Variants in SLC2A11 observed in about 807,000 individuals in gnomAD.
The protein encoded by SLC2A11 is solute carrier family 2, facilitated glucose transporter member 11.
Under a neutral mutation model 52.1 loss-of-function variants are expected in SLC2A11, and 43 were observed. The ratio of observed to expected loss-of-function variants is 0.82; its 90% CI spans 0.65 to 1.06. The LOEUF (loss-of-function observed/expected upper bound fraction) is 1.06. Among genes scored for constraint, SLC2A11 ranks in the 50% least tolerant of loss-of-function variants. SLC2A11 has a pLI of 0.00. For synonymous variants in SLC2A11, 261 were observed against 277.6 expected (o/e 0.94, Z 0.59); for missense variants, 582 against 654.2 (o/e 0.89, Z 1.20).
At chr22:23,868,243 A>G in intron 2 of SLC2A11, 1 of 550,388 alleles carries the variant, frequency 1.8e-6, no homozygotes, top group Non-Finnish European at 3.2e-6. Context: ...GGGCAAATGG[A>G]GCGAGTCCAG....
intron 3 of SLC2A11, chr22:23,872,805 C>T (rs1422522202): frequency 6.6e-6 from 1 of 152,222 alleles, no homozygotes; most frequent in Non-Finnish European, 1.5e-5. Flanking sequence ...TCCTCTAGAC[C>T]TCAGGAACTT....
chr22:23,867,590 AG>A (rs1461462673), intron 2 of SLC2A11: 1 of 442,394 alleles, frequency 2.3e-6, no homozygotes, highest in East Asian at 7.1e-5. Context: ...ATGACAGGGT[AG>A]GGCCACTAGA....
chr22:23,858,721 A>T lies in SLC2A11; in HGVS notation c.30+692A>T, dbSNP rs572845167. ...CTCTAAAAAATAAAAATAAAATAAA[A>T]TAAAATAAAATAGCACCACCTGGTC... is the stretch of plus-strand genomic sequence containing the variant. On this transcript the variant is annotated intron_variant, in intron 1 of 11. Coordinates refer to ENST00000316185, the MANE Select transcript of SLC2A11 (RefSeq NM_001024939.4). Among the ~76,000 whole-genome samples, 5 of 152,282 alleles carry T rather than the reference A, an allele frequency of 3.3e-5. No homozygotes were observed. In the East Asian group the frequency reaches 9.6e-4, roughly 29 times the overall value.
chr22:23,882,998 T>C, intron 8 of SLC2A11, 129 bp downstream of exon 8: 1 of 886,214 alleles, frequency 1.1e-6, no homozygotes, highest in South Asian at 1.4e-5. Context: ...CGGTGGCTCA[T>C]GCCTGTAAGC....
At chr22:23,857,647 T>TAA (rs972278536), upstream of SLC2A11, 1 of 1,008,008 alleles carries the variant, frequency 9.9e-7, no homozygotes, top group African/African-American at 1.9e-5. Context: ...CAGCCCTTCT[T>TAA]AAAAACGCTG....
Position 23,882,135 on chromosome 22 carries a change from A to AACAC in SLC2A11, c.695-314_695-311dup, listed in dbSNP as rs143530899. ...AGAAAGACAGGCAGAGAGAGAGAGA[A>AACAC]ACACACACACACAGACACAGAGACA... is the stretch of plus-strand genomic sequence containing the variant. On this transcript the variant is annotated intron_variant, in intron 6 of 11. Coordinates refer to ENST00000316185, the MANE Select transcript of SLC2A11 (RefSeq NM_001024939.4). 254 of 170,176 alleles carry AACAC rather than the reference A, an allele frequency of 1.5e-3. 33 individuals are homozygous for AACAC. The highest frequency in any genetic ancestry group is 0.013 in the African/African-American group (233 of 17,728). 10.5% of individuals were successfully genotyped at this position (170,176 alleles called of 1,614,324 possible).
intron 6 of SLC2A11, 62 bp from the exon 7 acceptor site, chr22:23,882,397 C>A: frequency 7.0e-7 from 1 of 1,429,006 alleles, no homozygotes; most frequent in Non-Finnish European, 9.3e-7. Flanking sequence ...GGGGGCGTCC[C>A]TGTAGGGGGA....
At chr22:23,870,318 G>A in intron 3 of SLC2A11, 1 of 441,868 alleles carries the variant, frequency 2.3e-6, no homozygotes, top group South Asian at 3.0e-5. Flanking sequence ...GCAAATGTCT[G>A]TTCCCCTCCC....
chr22:23,879,958 C>T (rs1250426664), intron 6 of SLC2A11, among the ~76,000 whole-genome samples: 3 of 152,162 alleles, frequency 2.0e-5, no homozygotes, highest in East Asian at 1.9e-4. Flanking sequence ...CGCCAGCTCA[C>T]GCCTGTAATC....
chr22:23,863,254 T>C (rs2032137474), intron 2 of SLC2A11, among the ~76,000 whole-genome samples: 4 of 152,184 alleles, frequency 2.6e-5, no homozygotes, highest in Admixed American at 2.6e-4. Context: ...CCTTTTTGCC[T>C]CTCCAGCCCT....
chr22:23,858,108 C>T, intron 1 of SLC2A11, 79 bp downstream of exon 1: 3 of 1,533,582 alleles, frequency 2.0e-6, no homozygotes, highest in Non-Finnish European at 2.7e-6. Flanking sequence ...CAGGTGCAGC[C>T]ACCTGGGAGG....
chr22:23,884,028 A>G lies in SLC2A11; in HGVS notation c.1171+4A>G. On this transcript the variant is annotated splice_donor_region_variant and intron_variant, in intron 10 of 11. Transcript: ENST00000316185. The surrounding 1 kb of genome is among the most constrained non-coding windows in gnomAD (Gnocchi z 4.3). ...CTCAGCTTTGGCATTGGCCCTGGTG[A>G]GTGGGCCCAAGGGGCTCTGGGCATC... 2 of 1,611,258 alleles carry G rather than the reference A, an allele frequency of 1.2e-6. No homozygotes were observed. The highest frequency in any genetic ancestry group is 1.1e-5 in the South Asian group (1 of 90,784).
chr22:23,858,352 C>A (rs748065966), intron 1 of SLC2A11, among the ~76,000 whole-genome samples: 1 of 152,214 alleles, frequency 6.6e-6, no homozygotes, highest in Non-Finnish European at 1.5e-5. Flanking sequence ...TGCTCGCCCC[C>A]TCCCGAGACT....
intron 1 of SLC2A11, 116 bp downstream of exon 1, chr22:23,858,145 A>G: frequency 7.1e-7 from 1 of 1,408,194 alleles, no homozygotes; most frequent in Non-Finnish European, 9.8e-7. Flanking sequence ...AATGTTCAAA[A>G]ATATCGTGCT....
At chr22:23,876,907 G>A in intron 4 of SLC2A11, 135 bp from the exon 5 acceptor site, 2 of 1,389,936 alleles carry the variant, frequency 1.4e-6, no homozygotes, top group Non-Finnish European at 2.0e-6. Context: ...TGTGGGGGGT[G>A]AGGGATCAGC....
upstream of SLC2A11, chr22:23,857,084 G>C: frequency 1.8e-6 from 2 of 1,137,572 alleles, 1 homozygote; most frequent in Non-Finnish European, 2.5e-6. Context: ...GGGGGGGGGG[G>C]GGTGTAGGTG....
chr22:23,864,521 T>C (rs895717868), intron 2 of SLC2A11, among the ~76,000 whole-genome samples: 4 of 152,172 alleles, frequency 2.6e-5, no homozygotes, highest in Non-Finnish European at 5.9e-5. Flanking sequence ...GGTTTCACCA[T>C]GTTAGCCAGG....
upstream of SLC2A11, chr22:23,857,071 TGTG>T (rs1428013869): frequency 6.6e-3 from 1,984 of 299,800 alleles, 6 homozygotes; most frequent in Middle Eastern, 9.2e-3. Flanking sequence ...AGTGTGTGTG[TGTG>T]GGGGGGGGGG....
rs1157393220 is a variant in SLC2A11, at chr22:23,884,911, CCCTGGT to C, written c.*66_*71del. ...TCCTGTCCTCTGCTTCCTGCCAGGG[CCCTGGT>C]CCTCACTCCCTCCTGCATTCCTCAT... On this transcript the variant is annotated 3_prime_UTR_variant, in exon 12 of 12. Coordinates refer to ENST00000316185, the MANE Select transcript of SLC2A11 (RefSeq NM_001024939.4). This position sits in a 1 kb window ranked among gnomAD's most constrained non-coding sequence, Gnocchi z 4.3. 1 of 1,420,432 alleles carries C rather than the reference CCCTGGT, an allele frequency of 7.0e-7. No individual in the cohort carries two copies. The highest frequency in any genetic ancestry group is 9.8e-7 in the Non-Finnish European group (1 of 1,021,082). The allele number at this position is 1,420,432 out of a possible 1,614,324, so 88.0% of individuals were successfully genotyped here. A position where few individuals can be genotyped will look rare whatever the true frequency, so the allele number is the denominator to read the frequency against.
Sources: allele counts gnomAD v4.1 joint callset (sites outside exome capture counted in the v4.1 genomes callset), GRCh38; gene constraint gnomAD v4.1.1; non-coding constraint Gnocchi (gnomAD v3.1); transcripts MANE v1.5; gene names NCBI Gene and HGNC (gene_info 2026-07-23, HGNC 2026-07-21).